MACROD2: variants seen among roughly 807,000 people sequenced by gnomAD.
The protein encoded by MACROD2 is mono-ADP ribosylhydrolase 2.
In MACROD2, 36 loss-of-function variants were observed where a neutral mutation model predicts 70.4. The observed-to-expected ratio is 0.51, with a 90% CI of 0.39 to 0.68. The LOEUF (loss-of-function observed/expected upper bound fraction) is 0.68, where lower values mean the gene tolerates loss of function less well. Ranked by LOEUF, MACROD2 falls within the 30% of genes least tolerant of loss-of-function variation. The pLI, the probability that MACROD2 is intolerant of heterozygous loss-of-function variation, is 0.00. For synonymous variants in MACROD2, 172 were observed against 178.8 expected (o/e 0.96, Z 0.30); for missense variants, 496 against 538.4 (o/e 0.92, Z 0.78).
intron 3 of MACROD2, among the ~76,000 whole-genome samples, chr20:14,378,173 C>A (rs2083390243): frequency 6.6e-6 from 1 of 152,154 alleles, no homozygotes; most frequent in African/African-American, 2.4e-5. Context: ...ATTTGCATTT[C>A]TAACAAGTTT....
chr20:15,854,143 A>G (rs990779078), intron 8 of MACROD2, among the ~76,000 whole-genome samples: 2 of 152,180 alleles, frequency 1.3e-5, no homozygotes, highest in African/African-American at 4.8e-5. Flanking sequence ...TTAGGAAAAG[A>G]GATTTCCACA....
At chr20:14,268,122 A>G (rs530666000) in intron 3 of MACROD2, among the ~76,000 whole-genome samples, 5 of 152,100 alleles carry the variant, frequency 3.3e-5, no homozygotes, top group Non-Finnish European at 7.4e-5. Flanking sequence ...ATTTGTCCAT[A>G]CTTGTTTCAC....
intron 6 of MACROD2, among the ~76,000 whole-genome samples, chr20:15,403,049 C>A (rs984456170): frequency 1.3e-5 from 2 of 151,936 alleles, no homozygotes; most frequent in Admixed American, 1.3e-4. Flanking sequence ...TCATTGCAAC[C>A]TCCACCTCCT....
intron 10 of MACROD2, among the ~76,000 whole-genome samples, chr20:15,901,455 C>T (rs1167401203): frequency 5.9e-5 from 9 of 152,280 alleles, no homozygotes; most frequent in Admixed American, 3.9e-4. Context: ...TGAGCCACAG[C>T]CCCCAGTCAG....
At chr20:15,910,372 T>G (rs1450720482) in intron 10 of MACROD2, among the ~76,000 whole-genome samples, 2 of 151,312 alleles carry the variant, frequency 1.3e-5, no homozygotes, top group African/African-American at 2.4e-5. Flanking sequence ...TTGGGGATTG[T>G]GATGTGGCCA....
intron 13 of MACROD2, among the ~76,000 whole-genome samples, chr20:15,978,478 C>G (rs986881097): frequency 3.3e-5 from 5 of 152,176 alleles, no homozygotes; most frequent in Non-Finnish European, 7.4e-5. Flanking sequence ...ACCCCAGGGT[C>G]TCTCTCCACC....
chr20:15,875,229 C>G (rs140051991), intron 9 of MACROD2, among the ~76,000 whole-genome samples: 1 of 152,128 alleles, frequency 6.6e-6, no homozygotes, highest in Non-Finnish European at 1.5e-5. Context: ...TATGTTACAA[C>G]AGTAATAGAA....
rs186325912 is a variant in MACROD2, at chr20:14,735,689, A to C, written c.418+50730A>C. Among the ~76,000 whole-genome samples the C allele has an allele frequency of 2.0e-5, 3 of 152,060 alleles. No homozygotes were observed. The East Asian group carries it at 5.8e-4, about 29-fold the overall frequency. ...GTGGCAAAACCGTGTCTCTATTTTA[A>C]AAATACAAAAATTAGCTGGACATGA... is the stretch of plus-strand genomic sequence containing the variant. On this transcript the variant is annotated intron_variant, in intron 5 of 17. Transcript: ENST00000684519.
intron 5 of MACROD2, among the ~76,000 whole-genome samples, chr20:14,928,664 A>T (rs6135312): frequency 6.6e-6 from 1 of 152,186 alleles, no homozygotes; most frequent in Non-Finnish European, 1.5e-5. Flanking sequence ...ATCATCCTGT[A>T]TGAAGCATGC....
intron 5 of MACROD2, among the ~76,000 whole-genome samples, chr20:15,120,937 A>G (rs1488901603): frequency 6.6e-6 from 1 of 152,050 alleles, no homozygotes; most frequent in Non-Finnish European, 1.5e-5. Context: ...AACCATTAAC[A>G]CCATACCTGT....
At chr20:15,636,562 A>T (rs1054960860) in intron 8 of MACROD2, among the ~76,000 whole-genome samples, 1 of 152,170 alleles carries the variant, frequency 6.6e-6, no homozygotes, top group Non-Finnish European at 1.5e-5. Context: ...CACAGTGTTT[A>T]TATAGTCAGA....
At chr20:14,004,963 A>G (rs1046379926) in intron 2 of MACROD2, among the ~76,000 whole-genome samples, 8 of 152,168 alleles carry the variant, frequency 5.3e-5, no homozygotes, top group African/African-American at 1.9e-4. Context: ...GTACTTGAAT[A>G]GTTCTTGAGC....
At chr20:16,035,163 A>AT (rs2067214790) in intron 15 of MACROD2, among the ~76,000 whole-genome samples, 1 of 64,424 alleles carries the variant, frequency 1.6e-5, no homozygotes, top group Non-Finnish European at 2.9e-5. Flanking sequence ...AATATAATAT[A>AT]AAATATAAAA....
intron 3 of MACROD2, among the ~76,000 whole-genome samples, chr20:14,187,966 C>G (rs2081358113): frequency 6.6e-6 from 1 of 152,102 alleles, no homozygotes. Flanking sequence ...CAGATTCAGA[C>G]TTTGATACTC....
chr20:15,895,342 G>C (rs895915546), intron 10 of MACROD2, among the ~76,000 whole-genome samples: 1 of 152,218 alleles, frequency 6.6e-6, no homozygotes, highest in African/African-American at 2.4e-5. Context: ...TGCTAGCAGG[G>C]ACATTCTGTC....
At chr20:15,794,211 T>C (rs1012588915) in intron 8 of MACROD2, among the ~76,000 whole-genome samples, 1 of 152,150 alleles carries the variant, frequency 6.6e-6, no homozygotes, top group African/African-American at 2.4e-5. Context: ...AACAAATGGA[T>C]TGTCCAATTC....
intron 3 of MACROD2, among the ~76,000 whole-genome samples, chr20:14,248,805 T>C (rs2081987571): frequency 1.3e-5 from 2 of 152,144 alleles, no homozygotes; most frequent in Non-Finnish European, 2.9e-5. Context: ...TCAACCCATA[T>C]TGGCATATAA....
At chr20:15,862,692 A>G in intron 8 of MACROD2, 53 bp from the exon 9 acceptor site, 1 of 1,432,462 alleles carries the variant, frequency 7.0e-7, no homozygotes, top group Admixed American at 1.8e-5. Context: ...ATGTCCTGGC[A>G]GGGCAATTGC....
intron 13 of MACROD2, among the ~76,000 whole-genome samples, chr20:15,977,575 A>G (rs930210031): frequency 1.3e-5 from 2 of 152,226 alleles, no homozygotes; most frequent in African/African-American, 2.4e-5. Flanking sequence ...GACCTTGATG[A>G]GTACTCTAAT....
Sources: gnomAD v4.1 joint callset for allele counts (sites outside exome capture counted in the v4.1 genomes callset) on GRCh38, gnomAD v4.1.1 for gene constraint, MANE v1.5 for transcripts, NCBI Gene and HGNC (gene_info 2026-07-23, HGNC 2026-07-21) for gene names.